GTPBP1: variants seen among roughly 807,000 people sequenced by gnomAD.
GTPBP1 encodes GTP-binding protein 1.
A neutral mutation model predicts 62.0 loss-of-function variants in GTPBP1; 23 were observed. The observed-to-expected ratio is 0.37, with a 90% CI of 0.27 to 0.53. GTPBP1 has a LOEUF of 0.53. Among genes scored for constraint, GTPBP1 ranks in the 20% least tolerant of loss-of-function variants. GTPBP1 has a pLI of 0.89. For missense variants in GTPBP1, 640 were observed against 917.3 expected (o/e 0.70, Z 3.90); for synonymous variants, 344 against 364.4 (o/e 0.94, Z 0.64).
At chr22:38,738,873 C>T, downstream of GTPBP1, 1 of 1,602,440 alleles carries the variant, frequency 6.2e-7, no homozygotes, top group Non-Finnish European at 8.5e-7. The surrounding 1 kb of genome is among the most constrained non-coding windows in gnomAD (Gnocchi z 6.6). Context: ...AGGTGCCCAC[C>T]TGGAGGATGA....
chr22:38,719,436 T>A (rs1404485072), intron 4 of GTPBP1, among the ~76,000 whole-genome samples: 2 of 152,122 alleles, frequency 1.3e-5, no homozygotes, highest in African/African-American at 4.8e-5. Context: ...GCCTCCCAAG[T>A]ACCTAGGACC....
At chr22:38,738,579 A>G (rs373252920), downstream of GTPBP1, 9 of 1,611,376 alleles carry the variant, frequency 5.6e-6, no homozygotes, top group Non-Finnish European at 7.6e-6. This position sits in a 1 kb window ranked among gnomAD's most constrained non-coding sequence, Gnocchi z 6.6. Context: ...CACAGGACAG[A>G]TACTCACAAA....
At chr22:38,741,612 G>A (rs142183145), downstream of GTPBP1, 72 of 1,569,706 alleles carry the variant, frequency 4.6e-5, no homozygotes, top group African/African-American at 8.4e-4. Flanking sequence ...ACAGAGCCAT[G>A]CTTATAGGGA....
At chr22:38,719,287 G>A (rs1045962197) in intron 4 of GTPBP1, among the ~76,000 whole-genome samples, 4 of 152,268 alleles carry the variant, frequency 2.6e-5, no homozygotes, top group South Asian at 4.1e-4. Flanking sequence ...GATTATAGGC[G>A]TGAGCCACCG....
rs1407621553 is a variant in GTPBP1 at position 38,726,897 on chromosome 22, C to T, written c.1402-316C>T. Reference sequence around the variant, plus strand: ...GTAGGACTTTCTTCCCCACAGTGGTCAGGTCATGCCCACCTGTTGTTCCCC... The same window carrying T: ...GTAGGACTTTCTTCCCCACAGTGGTTAGGTCATGCCCACCTGTTGTTCCCC... On this transcript the variant is annotated intron_variant, in intron 8 of 11. Transcript: ENST00000216044. This position sits in a 1 kb window ranked among gnomAD's most constrained non-coding sequence, Gnocchi z 4.1. Among the ~76,000 whole-genome samples the T allele has an allele frequency of 6.6e-6, 1 of 152,192 alleles. No individual in the cohort carries two copies. Among genetic ancestry groups the T allele is most frequent in the Non-Finnish European group, 1.5e-5 (1 of 68,026 alleles).
downstream of GTPBP1, chr22:38,738,263 C>G: frequency 1.2e-6 from 2 of 1,613,556 alleles, no homozygotes; most frequent in Non-Finnish European, 1.7e-6. This position sits in a 1 kb window ranked among gnomAD's most constrained non-coding sequence, Gnocchi z 6.6. Flanking sequence ...CTTCGTCAAA[C>G]CCCTGCAAAG....
downstream of GTPBP1, chr22:38,738,330 A>G (rs2092825167): frequency 8.6e-6 from 12 of 1,399,886 alleles, no homozygotes; most frequent in South Asian, 1.2e-4. This position sits in a 1 kb window ranked among gnomAD's most constrained non-coding sequence, Gnocchi z 6.6. Context: ...CCCCACTCCA[A>G]TCCCTGCTCC....
Position 38,729,601 on chromosome 22 carries a change from G to A in GTPBP1, c.1856G>A (p.Gly619Glu). ...GGPAVGAPPP[G>E]DEASSVGAGQ... ...CCAGCAGTAGGAGCACCCCCACCTG[G>A]AGATGAAGCCTCCTCTGTAGGGGCA... Residue 619 changes from glycine to glutamate, a missense_variant, in exon 11 of 12, where the codon GGA becomes GAA. Around this residue, in one of 4 missense-constraint regions of GTPBP1, gnomAD observed 117 missense variants for 107.1 expected, o/e 1.09. Transcript: ENST00000216044. 1 of 1,566,020 alleles carries A rather than the reference G, an allele frequency of 6.4e-7. No homozygotes were observed. Among genetic ancestry groups the A allele is most frequent in the Non-Finnish European group, 8.6e-7 (1 of 1,157,868 alleles).
chr22:38,742,558 G>C (rs1345118852), downstream of GTPBP1: 4 of 1,607,066 alleles, frequency 2.5e-6, no homozygotes, highest in Non-Finnish European at 3.4e-6. Flanking sequence ...TGCTCAGCCT[G>C]GAAGGGCAGA....
chr22:38,715,781 C>G (rs2092666254), intron 2 of GTPBP1, 126 bp from the exon 3 acceptor site: 1 of 715,220 alleles, frequency 1.4e-6, no homozygotes, highest in African/African-American at 1.8e-5. Context: ...GAGAGGACCC[C>G]TGTTCCTCTG....
chr22:38,736,255 C>T, downstream of GTPBP1: 2 of 1,607,964 alleles, frequency 1.2e-6, no homozygotes, highest in Non-Finnish European at 1.7e-6. Context: ...CAGCAGGCAC[C>T]AGTAAGCAGG....
At chr22:38,706,467 T>G in intron 1 of GTPBP1, 1 of 220,110 alleles carries the variant, frequency 4.5e-6, no homozygotes, top group Non-Finnish European at 8.9e-6. Context: ...GCTCCGCGCG[T>G]TCCCTGTCCC....
downstream of GTPBP1, chr22:38,739,302 G>C (rs184874690): frequency 5.6e-6 from 9 of 1,601,458 alleles, no homozygotes; most frequent in Admixed American, 1.5e-4. This position sits in a 1 kb window ranked among gnomAD's most constrained non-coding sequence, Gnocchi z 6.7. Flanking sequence ...GCCATTGCGG[G>C]GTCCAGGACA....
downstream of GTPBP1, chr22:38,739,334 G>A (rs759907275): frequency 6.2e-7 from 1 of 1,612,792 alleles, no homozygotes; most frequent in Non-Finnish European, 8.5e-7. The surrounding 1 kb of genome is among the most constrained non-coding windows in gnomAD (Gnocchi z 6.7). Context: ...GGAAAGCAGA[G>A]CACGTACCTC....
chr22:38,741,505 G>A (rs372953657), downstream of GTPBP1: 55 of 1,613,876 alleles, frequency 3.4e-5, no homozygotes, highest in Admixed American at 1.0e-4. Flanking sequence ...TGGGAGGCCC[G>A]GACGATCTTC....
Position 38,730,520 on chromosome 22 carries a change from TC to T in GTPBP1, c.1918-90del. 1 of 881,832 alleles carries T rather than the reference TC, an allele frequency of 1.1e-6. No individual in the cohort carries two copies. The highest frequency in any genetic ancestry group is 1.4e-5 in the South Asian group (1 of 73,276). 54.6% of individuals were successfully genotyped at this position (881,832 alleles called of 1,614,324 possible). On this transcript the variant is annotated intron_variant, in intron 11 of 11. Transcript: ENST00000216044. This position sits in a 1 kb window ranked among gnomAD's most constrained non-coding sequence, Gnocchi z 5.6. ...GACCACGCAGCCTGCTCACGCATCT[TC>T]CGTCCCTGTCTCCCCGCTGCTCAGC...
chr22:38,734,434 TGA>T (rs1375628407), downstream of GTPBP1: 3 of 362,292 alleles, frequency 8.3e-6, no homozygotes, highest in South Asian at 4.1e-5. Context: ...TCAGTGGTAC[TGA>T]GAGACAGGAA....
At chr22:38,707,720 T>G (rs1408365819) in intron 1 of GTPBP1, among the ~76,000 whole-genome samples, 1 of 152,138 alleles carries the variant, frequency 6.6e-6, no homozygotes, top group Non-Finnish European at 1.5e-5. Context: ...ACCAGCTCAT[T>G]TAATATTCCT....
intron 2 of GTPBP1, among the ~76,000 whole-genome samples, chr22:38,714,811 T>C (rs931154633): frequency 1.3e-5 from 2 of 152,076 alleles, no homozygotes; most frequent in Non-Finnish European, 2.9e-5. Flanking sequence ...AGGGGTGCTC[T>C]CAGAGACAGG....
Sources: gnomAD v4.1 joint callset for allele counts (sites outside exome capture counted in the v4.1 genomes callset) on GRCh38, gnomAD v4.1.1 for gene constraint, gnomAD v4.1.1 regional missense constraint, Gnocchi (gnomAD v3.1) non-coding constraint, MANE v1.5 for transcripts, NCBI Gene and HGNC (gene_info 2026-07-23, HGNC 2026-07-21) for gene names.